The following FLT3 variants were observed in gnomAD, a reference collection of about 807,000 sequenced individuals.
FLT3 encodes receptor-type tyrosine-protein kinase FLT3.
A neutral mutation model predicts 126.6 loss-of-function variants in FLT3; 46 were observed. The observed-to-expected ratio is 0.36, with a 90% confidence interval of 0.29 to 0.46. FLT3 has a LOEUF of 0.46. FLT3 is among the 20% of genes least tolerant of loss of function. The pLI is 1.00. For synonymous variants in FLT3, 404 were observed against 434.4 expected (o/e 0.93, Z 0.87); for missense variants, 1,069 against 1,190.3 (o/e 0.90, Z 1.50).
At chr13:28,008,884 T>C (rs1475113153) in intron 23 of FLT3, among the ~76,000 whole-genome samples, 1 of 152,232 alleles carries the variant, frequency 6.6e-6, no homozygotes, top group African/African-American at 2.4e-5. Flanking sequence ...CAATGCATGT[T>C]AACAACTTTA....
chr13:28,055,791 A>T (rs1429057664), intron 4 of FLT3, among the ~76,000 whole-genome samples: 1 of 152,196 alleles, frequency 6.6e-6, no homozygotes, highest in Non-Finnish European at 1.5e-5. Flanking sequence ...TTTTAAAAGG[A>T]GAGAAAAAAG....
chr13:28,046,499 C>A (rs542187943), intron 9 of FLT3, among the ~76,000 whole-genome samples: 14 of 152,246 alleles, frequency 9.2e-5, no homozygotes, highest in African/African-American at 3.1e-4. Flanking sequence ...TAAAAGGAAG[C>A]AGGTGAAATT....
At chr13:28,088,333 G>A (rs1002885839) in intron 1 of FLT3, among the ~76,000 whole-genome samples, 1 of 151,590 alleles carries the variant, frequency 6.6e-6, no homozygotes, top group East Asian at 1.9e-4. Context: ...TGTTGCCCAG[G>A]CTGGAGTGCA....
chr13:28,004,271 T>G (rs939844202), intron 23 of FLT3, 97 bp from the exon 24 acceptor site: 15 of 1,266,000 alleles, frequency 1.2e-5, no homozygotes, highest in Non-Finnish European at 1.5e-5. Flanking sequence ...AAACAGTTGT[T>G]CTATATAGAC....
At chr13:28,093,219 C>A (rs1321265038) in intron 1 of FLT3, among the ~76,000 whole-genome samples, 1 of 151,294 alleles carries the variant, frequency 6.6e-6, no homozygotes, top group Non-Finnish European at 1.5e-5. Context: ...AGCCACCACA[C>A]CTGGCCTCTT....
intron 19 of FLT3, among the ~76,000 whole-genome samples, chr13:28,020,091 A>G (rs908327592): frequency 1.6e-4 from 25 of 152,020 alleles, no homozygotes; most frequent in African/African-American, 5.1e-4. Flanking sequence ...TGTCCAACTC[A>G]TTACCTTTCT....
intron 9 of FLT3, among the ~76,000 whole-genome samples, chr13:28,047,072 G>A (rs1202629031): frequency 1.3e-5 from 2 of 152,038 alleles, no homozygotes; most frequent in African/African-American, 4.8e-5. Flanking sequence ...CTAGACCTGT[G>A]ATAGGAATCA....
At position 28,057,392 on chromosome 13, in the gene FLT3, T is replaced by G. The variant is rs1392315283; in HGVS notation, c.439A>C (p.Ser147Arg). ...QAGEYLLFIQ[S>R]EATNYTILFT... ...AATATTGTGTAATTGGTAGCTTCAC[T>G]CTGAATAAAAAGTAGGTATTCTCCA... The change falls in exon 4 of 24, where the codon AGT (serine) becomes CGT (arginine). Residue 147 changes from serine to arginine, a missense_variant. Ser to Arg is a moderately radical substitution (Grantham distance 110, BLOSUM62 -1). Coordinates refer to ENST00000241453, the MANE Select transcript of FLT3 (RefSeq NM_004119.3). 3 of 1,581,554 alleles carry G rather than the reference T, an allele frequency of 1.9e-6. No homozygotes were observed. Among genetic ancestry groups the G allele is most frequent in the Non-Finnish European group, 1.7e-6 (2 of 1,150,420 alleles).
chr13:28,065,278 G>C (rs1876912598), intron 2 of FLT3, among the ~76,000 whole-genome samples: 1 of 152,314 alleles, frequency 6.6e-6, no homozygotes, highest in Non-Finnish European at 1.5e-5. Context: ...ACTTCTCTGA[G>C]TATACTGTTT....
intron 1 of FLT3, among the ~76,000 whole-genome samples, chr13:28,087,651 T>C (rs1243115032): frequency 2.0e-5 from 3 of 152,168 alleles, no homozygotes; most frequent in African/African-American, 7.2e-5. Context: ...TTAGGGACTC[T>C]AATTACATGT....
chr13:28,042,215 GA>G (rs1270087277), intron 9 of FLT3, among the ~76,000 whole-genome samples: 6 of 147,778 alleles, frequency 4.1e-5, no homozygotes, highest in East Asian at 2.0e-4. Flanking sequence ...GAAAGAGAAA[GA>G]AAAAAAAGTA....
In FLT3 at chr13:28,039,650, G is replaced by A. The variant is rs569291558; in HGVS notation, c.1206-2362C>T. On this transcript the variant is annotated intron_variant, in intron 9 of 23. Coordinates refer to ENST00000241453, the MANE Select transcript of FLT3 (RefSeq NM_004119.3). ...TGCAACCTCTGCCTCCTGGGTTCAA[G>A]CAATTCTCCTGCCTCAGCCTCCCAA... Among the ~76,000 whole-genome samples, 6 of 149,930 alleles carry A rather than the reference G, an allele frequency of 4.0e-5. No individual in the cohort carries two copies. In the Admixed American group the frequency reaches 4.0e-4, roughly 10 times the overall value.
chr13:28,029,802 A>G (rs1481394523), intron 15 of FLT3, among the ~76,000 whole-genome samples: 2 of 152,240 alleles, frequency 1.3e-5, no homozygotes, highest in African/African-American at 4.8e-5. Flanking sequence ...AGCAGGCTAG[A>G]ACATATTGGT....
intron 15 of FLT3, among the ~76,000 whole-genome samples, chr13:28,032,510 T>C (rs1346081564): frequency 6.6e-6 from 1 of 152,108 alleles, no homozygotes; most frequent in East Asian, 1.9e-4. Flanking sequence ...CTCAGGGGCC[T>C]GAAGTGGGAG....
In FLT3 at chr13:28,100,351, A is replaced by G. The variant is rs565685192; in HGVS notation, c.43+117T>C. ...GAGGGGCGCGGGAGGCAATGGAAGGAGCGAGCGCGGGGAGGAGCGAGGCGG... is the reference window on the plus strand; with the variant it reads ...GAGGGGCGCGGGAGGCAATGGAAGGGGCGAGCGCGGGGAGGAGCGAGGCGG... On this transcript the variant is annotated intron_variant, in intron 1 of 23. Transcript: ENST00000241453. This position sits in a 1 kb window ranked among gnomAD's most constrained non-coding sequence, Gnocchi z 4.8. 23 of 671,986 alleles carry G rather than the reference A, an allele frequency of 3.4e-5. No homozygotes were observed. In the South Asian group the frequency reaches 4.4e-4, roughly 13 times the overall value. 41.6% of individuals were successfully genotyped at this position (671,986 alleles called of 1,614,324 possible).
intron 19 of FLT3, among the ~76,000 whole-genome samples, chr13:28,021,747 ATT>A (rs988620754): frequency 1.4e-5 from 2 of 145,506 alleles, no homozygotes; most frequent in Non-Finnish European, 3.0e-5. Context: ...TTTTTAATTA[ATT>A]TTTTTTTTTT....
chr13:28,029,963 G>A (rs929056513), intron 15 of FLT3, among the ~76,000 whole-genome samples: 3 of 152,174 alleles, frequency 2.0e-5, no homozygotes, highest in South Asian at 2.1e-4. Flanking sequence ...AGGGCAGCCC[G>A]GGCAGCCACA....
At chr13:28,087,889 T>G (rs1012088522) in intron 1 of FLT3, among the ~76,000 whole-genome samples, 7 of 152,206 alleles carry the variant, frequency 4.6e-5, no homozygotes, top group African/African-American at 1.7e-4. Flanking sequence ...CTTCTTAACA[T>G]GTACAATCTT....
At chr13:28,096,754 A>G (rs1176696690) in intron 1 of FLT3, among the ~76,000 whole-genome samples, 2 of 152,156 alleles carry the variant, frequency 1.3e-5, no homozygotes, top group African/African-American at 4.8e-5. Flanking sequence ...TTTTTAATGT[A>G]TATTTAGTAA....
Sources: gnomAD v4.1 joint callset for allele counts (sites outside exome capture counted in the v4.1 genomes callset) on GRCh38, gnomAD v4.1.1 for gene constraint, Gnocchi (gnomAD v3.1) non-coding constraint, MANE v1.5 for transcripts, NCBI Gene and HGNC (gene_info 2026-07-23, HGNC 2026-07-21) for gene names.